USP29: variants seen among roughly 807,000 people sequenced by gnomAD.
The protein encoded by USP29 is ubiquitin specific peptidase 29, also known as ubiquitin carboxyl-terminal hydrolase 29.
For synonymous variants in USP29, 386 were observed against 387.4 expected, an observed-to-expected ratio of 1.00 and a Z score of 0.04; for missense variants, 1,102 against 1,069.0, an observed-to-expected ratio of 1.03 and a Z score of -0.43.
Position 57,131,473 on chromosome 19 carries a change from G to T in USP29, c.*29G>T. The T allele has an allele frequency of 6.4e-7, 1 of 1,561,982 alleles. No homozygotes were observed. Among genetic ancestry groups the T allele is most frequent in the Non-Finnish European group, 8.7e-7 (1 of 1,155,638 alleles). On this transcript the variant is annotated 3_prime_UTR_variant, in exon 4 of 4. Coordinates refer to ENST00000254181, the MANE Select transcript of USP29 (RefSeq NM_020903.3). ...ACTCACTCGGCCTCACTTCATCCTT[G>T]CAAAGAGAATCCTGTACTTCATCCT...
chr19:57,128,636 T>C (rs755381697), intron 3 of USP29, 24 bp from the exon 4 acceptor site: 7 of 1,518,592 alleles, frequency 4.6e-6, no homozygotes, highest in Admixed American at 2.3e-5. Flanking sequence ...TTGGTTAAAA[T>C]GCATGTGTGC....
At chr19:57,119,653 C>T (rs1451571538), upstream of USP29, among the ~76,000 whole-genome samples, 1 of 152,114 alleles carries the variant, frequency 6.6e-6, no homozygotes, top group Non-Finnish European at 1.5e-5. Flanking sequence ...AAACTCCTGA[C>T]CTCAGGTGAT....
chr19:57,129,837 A>C lies in USP29; in HGVS notation c.1162A>C (p.Met388Leu), dbSNP rs761164303. 1 of 1,614,208 alleles carries C rather than the reference A, an allele frequency of 6.2e-7. No homozygotes were observed. Among genetic ancestry groups the C allele is most frequent in the Non-Finnish European group, 8.5e-7 (1 of 1,180,032 alleles). ...GTGTTTAGACCAGCTGAAAGAAGAC[A>C]TGGAAAAATTAAATGCCACTTTGAA... ...GQCLDQLKED[M>L]EKLNATLNTG... Residue 388 changes from methionine (M) to leucine (L), a missense_variant, in exon 4 of 4, where the codon ATG becomes CTG. Coordinates refer to ENST00000254181, the MANE Select transcript of USP29 (RefSeq NM_020903.3).
rs1469613996 is a variant in USP29, at chr19:57,130,734, C to T, written c.2059C>T (p.Gln687Ter). The change falls in exon 4 of 4, where the codon CAA becomes TAA. Residue 687 changes from glutamine to a stop codon, truncating the protein, a stop_gained. Transcript: ENST00000254181. LOFTEE classifies it low-confidence loss of function (END_TRUNC). ...CGAGGTTCATCTTCAAGAGGTGCCT[C>T]AACATCCAGAACTTCAGAAGTATGA... ...LVEVHLQEVP[Q>*]HPELQKYEKT... 2.5e-6 allele frequency: 4 copies of T among 1,614,048 alleles called. No homozygotes were observed. The South Asian group carries it at 3.3e-5, about 13-fold the overall frequency.
chr19:57,126,391 T>C (rs62134268), intron 3 of USP29, among the ~76,000 whole-genome samples: 69,072 of 151,926 alleles, frequency 0.45, 16,492 homozygotes, highest in South Asian at 0.57. Flanking sequence ...CTTTCAGGTA[T>C]ACCAATCAAT....
In USP29 at chr19:57,130,549, G is replaced by C. The variant is rs541335351; in HGVS notation, c.1874G>C (p.Gly625Ala). 1 of 1,614,160 alleles carries C rather than the reference G, an allele frequency of 6.2e-7. No homozygotes were observed. Among genetic ancestry groups the C allele is most frequent in the South Asian group, 1.1e-5 (1 of 91,074 alleles). The stretch of plus-strand genomic sequence containing the variant: ...CAGCATCAGAGAGACCTGGAAAATG[G>C]CTCTGCACTAGAGTCAGAATTGGTC... ...QEQHQRDLEN[G>A]SALESELVHF... is the part of the protein sequence containing the mutation. The change falls in exon 4 of 4, where the codon GGC becomes GCC. Residue 625 changes from glycine (G) to alanine (A), a missense_variant. Transcript: ENST00000254181.
rs753074734 is a variant in USP29 at position 57,129,317 on chromosome 19, G to A, written c.642G>A (p.Glu214=). 6.2e-7 allele frequency: 1 copy of A among 1,614,114 alleles called. No homozygotes were observed. The highest frequency in any genetic ancestry group is 1.1e-5 in the South Asian group (1 of 91,074). Reference sequence around the variant, plus strand: ...ATAGGAAGAACCCATCAAGTTTAGAGGATTTAGAAAAAGATAGAGATTTGA... The same window carrying A: ...ATAGGAAGAACCCATCAAGTTTAGAAGATTTAGAAAAAGATAGAGATTTGA... The part of the protein sequence containing the change: ...QSNRKNPSSL[E]DLEKDRDLKL... The change falls in exon 4 of 4, where the codon GAG becomes GAA. Residue 214 remains glutamate, a synonymous_variant. Coordinates refer to ENST00000254181, the MANE Select transcript of USP29 (RefSeq NM_020903.3).
intron 3 of USP29, among the ~76,000 whole-genome samples, chr19:57,127,580 C>A (rs545863093): frequency 3.9e-4 from 59 of 152,282 alleles, no homozygotes; most frequent in Non-Finnish European, 7.9e-4. Flanking sequence ...TTAGCACTGT[C>A]CAGGGAAAAC....
chr19:57,129,720 G>A lies in USP29; in HGVS notation c.1045G>A (p.Glu349Lys). 1 of 1,613,812 alleles carries A rather than the reference G, an allele frequency of 6.2e-7. No individual in the cohort carries two copies. The highest frequency in any genetic ancestry group is 8.5e-7 in the Non-Finnish European group (1 of 1,179,922). ...KDFCSTKIKR[E>K]LLGNVKKVIS... ...TTTCTGTAGTACAAAGATCAAGAGA[G>A]AATTACTTGGGAATGTTAAAAAAGT... The change falls in exon 4 of 4, where the codon GAA (glutamate) becomes AAA (lysine). Residue 349 changes from glutamate to lysine, a missense_variant. By Grantham distance (56) the Glu-to-Lys change is moderately conservative. Transcript: ENST00000254181.
chr19:57,129,667 C>T lies in USP29; in HGVS notation c.992C>T (p.Thr331Ile). The T allele has an allele frequency of 6.2e-7, 1 of 1,614,150 alleles. No homozygotes were observed. Among genetic ancestry groups the T allele is most frequent in the Non-Finnish European group, 8.5e-7 (1 of 1,180,044 alleles). ...ATTCCCTTTGAGGCTCTTATTATGA[C>T]CTTGACCCAGCTGCTTGCTTTGAAA... ...EYIPFEALIM[T>I]LTQLLALKDF... The change falls in exon 4 of 4, where the codon ACC becomes ATC. Residue 331 changes from threonine (T) to isoleucine (I), a missense_variant. Coordinates refer to ENST00000254181, the MANE Select transcript of USP29 (RefSeq NM_020903.3).
chr19:57,120,803 A>AAAAAAAAAAAAC (rs2086791126), intron 1 of USP29, among the ~76,000 whole-genome samples: 1 of 148,266 alleles, frequency 6.7e-6, no homozygotes, highest in Non-Finnish European at 1.5e-5. Context: ...AAAAAAAAAA[A>AAAAAAAAAAAAC]AAAAAAAAAA....
chr19:57,130,581 A>G lies in USP29; in HGVS notation c.1906A>G (p.Arg636Gly). Residue 636 changes from arginine to glycine, a missense_variant, in exon 4 of 4, where the codon AGA becomes GGA. Physicochemically the swap from Arg to Gly is moderately radical, Grantham distance 125. Coordinates refer to ENST00000254181, the MANE Select transcript of USP29 (RefSeq NM_020903.3). ...ACTAGAGTCAGAATTGGTCCACTTT[A>G]GAGATAGGGCAATCGGTGAAAAGGA... The part of the protein sequence containing the change: ...SALESELVHF[R>G]DRAIGEKELP... 6.2e-7 allele frequency: 1 copy of G among 1,614,156 alleles called. No homozygotes were observed. Among genetic ancestry groups the G allele is most frequent in the Non-Finnish European group, 8.5e-7 (1 of 1,180,008 alleles).
chr19:57,130,444 C>G lies in USP29; in HGVS notation c.1769C>G (p.Ser590Cys), dbSNP rs1384728210. 1.2e-6 allele frequency: 2 copies of G among 1,614,028 alleles called. No homozygotes were observed. Among genetic ancestry groups the G allele is most frequent in the Non-Finnish European group, 1.7e-6 (2 of 1,180,046 alleles). ...SMKLTSESSD[S>C]LVLPVEPDKN... ...AAGCTGACCTCAGAATCCAGTGATT[C>G]CCTGGTTCTACCCGTTGAACCAGAC... The change falls in exon 4 of 4, where the codon TCC becomes TGC. Residue 590 changes from serine (S) to cysteine (C), a missense_variant. Transcript: ENST00000254181.
At chr19:57,127,702 A>C (rs533767678) in intron 3 of USP29, among the ~76,000 whole-genome samples, 3 of 152,148 alleles carry the variant, frequency 2.0e-5, no homozygotes, top group Non-Finnish European at 4.4e-5. Context: ...AGTGGTTCTT[A>C]GCTTGCTGGG....
At position 57,129,170 on chromosome 19, in the gene USP29, A is replaced by G. The variant is rs751411692; in HGVS notation, c.495A>G (p.Gln165=). Residue 165 remains glutamine, a synonymous_variant, in exon 4 of 4, where the codon CAA becomes CAG. Coordinates refer to ENST00000254181, the MANE Select transcript of USP29 (RefSeq NM_020903.3). ...THVKKGILEN[Q]GGKGQNTLSS... The stretch of plus-strand genomic sequence containing the variant: ...TGAAAAAGGGGATATTAGAAAATCA[A>G]GGTGGGAAGGGGCAAAACACACTAT... The G allele has an allele frequency of 4.3e-6, 7 of 1,613,708 alleles. No individual in the cohort carries two copies. In the South Asian group the frequency reaches 7.7e-5, roughly 18 times the overall value.
Position 57,129,707 on chromosome 19 carries a change from A to G in USP29, c.1032A>G (p.Thr344=), listed in dbSNP as rs1303627082. The stretch of plus-strand genomic sequence containing the variant: ...TTGCTTTGAAAGATTTCTGTAGTAC[A>G]AAGATCAAGAGAGAATTACTTGGGA... ...QLLALKDFCS[T]KIKRELLGNV... Residue 344 remains threonine (T), a synonymous_variant, in exon 4 of 4, where the codon ACA becomes ACG. Transcript: ENST00000254181. The G allele has an allele frequency of 6.2e-7, 1 of 1,613,914 alleles. No individual in the cohort carries two copies. Among genetic ancestry groups the G allele is most frequent in the Non-Finnish European group, 8.5e-7 (1 of 1,179,940 alleles).
upstream of USP29, chr19:57,119,193 C>G (rs1344724004): frequency 2.0e-5 from 3 of 152,256 alleles, no homozygotes; most frequent in Non-Finnish European, 4.4e-5. Context: ...TCTGCGCAAA[C>G]TACCCCCGGG....
Position 57,129,387 on chromosome 19 carries a change from C to G in USP29, c.712C>G (p.Leu238Val), listed in dbSNP as rs2086842003. 2 of 1,614,038 alleles carry G rather than the reference C, an allele frequency of 1.2e-6. No homozygotes were observed. The highest frequency in any genetic ancestry group is 1.1e-5 in the South Asian group (1 of 91,082). The change falls in exon 4 of 4, where the codon CTA becomes GTA. Residue 238 changes from leucine (L) to valine (V), a missense_variant. Transcript: ENST00000254181. ...FNTNCNGNPN[L>V]DETVLATQTL... ...TACCAACTGTAATGGAAATCCTAACCTAGATGAGACTGTTCTTGCAACCCA... is the reference window on the plus strand; with the variant it reads ...TACCAACTGTAATGGAAATCCTAACGTAGATGAGACTGTTCTTGCAACCCA...
chr19:57,124,782 T>G (rs539840151), intron 3 of USP29, among the ~76,000 whole-genome samples: 213 of 152,290 alleles, frequency 1.4e-3, no homozygotes, highest in African/African-American at 4.3e-3. Context: ...GTGCTGGGAT[T>G]ACAGGTGTGA....
Sources: gnomAD v4.1 joint callset for allele counts (sites outside exome capture counted in the v4.1 genomes callset) on GRCh38, gnomAD v4.1.1 for gene constraint, MANE v1.5 for transcripts, NCBI Gene and HGNC (gene_info 2026-07-23, HGNC 2026-07-21) for gene names.